ADAMTS12: variants seen among roughly 807,000 people sequenced by gnomAD.
The protein encoded by ADAMTS12 is A disintegrin and metalloproteinase with thrombospondin motifs 12.
A neutral mutation model predicts 167.8 loss-of-function variants in ADAMTS12; 118 were observed. The observed-to-expected ratio is 0.70, with a 90% CI of 0.61 to 0.82. The LOEUF (loss-of-function observed/expected upper bound fraction) is 0.82, where lower values mean the gene tolerates loss of function less well. Ranked by LOEUF, ADAMTS12 falls within the 40% of genes least tolerant of loss-of-function variation. The pLI is 0.00. For synonymous variants in ADAMTS12, 704 were observed against 716.9 expected (o/e 0.98, Z 0.29); for missense variants, 1,916 against 1,998.8 (o/e 0.96, Z 0.79).
At chr5:33,532,451 T>C (rs1040890023) in intron 23 of ADAMTS12, among the ~76,000 whole-genome samples, 2 of 151,942 alleles carry the variant, frequency 1.3e-5, no homozygotes, top group African/African-American at 4.8e-5. Flanking sequence ...TGTATCAACA[T>C]TGGATCTAAG....
intron 12 of ADAMTS12, among the ~76,000 whole-genome samples, chr5:33,633,984 C>T (rs1245268418): frequency 1.3e-5 from 2 of 152,140 alleles, no homozygotes; most frequent in Non-Finnish European, 2.9e-5. Context: ...CACCCTCACA[C>T]TCTCTGATTA....
intron 2 of ADAMTS12, among the ~76,000 whole-genome samples, chr5:33,763,435 T>C (rs536499313): frequency 4.2e-4 from 64 of 152,272 alleles, no homozygotes; most frequent in African/African-American, 1.3e-3. Context: ...TCCCCTGGAC[T>C]CTCCAAAAGG....
intron 20 of ADAMTS12, among the ~76,000 whole-genome samples, chr5:33,554,343 A>G (rs1166537537): frequency 2.0e-5 from 3 of 152,170 alleles, no homozygotes; most frequent in African/African-American, 4.8e-5. Context: ...GGACGCCATC[A>G]TGGAGAACCT....
At chr5:33,548,190 T>C (rs1329314526) in intron 21 of ADAMTS12, among the ~76,000 whole-genome samples, 1 of 152,238 alleles carries the variant, frequency 6.6e-6, no homozygotes, top group African/African-American at 2.4e-5. Context: ...TAGTTATTGA[T>C]TCATTCTTTC....
chr5:33,561,234 G>A (rs896364771), intron 19 of ADAMTS12, 55 bp from the exon 20 acceptor site: 9 of 1,586,042 alleles, frequency 5.7e-6, no homozygotes, highest in Non-Finnish European at 6.9e-6. Flanking sequence ...TCTCACACAT[G>A]CCCCATCACT....
rs1232138929 is a variant in ADAMTS12 at position 33,526,948 on chromosome 5, G to T, written c.*240C>A. On this transcript the variant is annotated 3_prime_UTR_variant, in exon 24 of 24. Transcript: ENST00000504830. ...CACCTTTCCCAGGAGCCGATACCAG[G>T]TGCTGCCTGATTCTCCTAGCTATTT... 6.1e-6 allele frequency: 3 copies of T among 490,918 alleles called. No homozygotes were observed. Among genetic ancestry groups the T allele is most frequent in the Non-Finnish European group, 1.1e-5 (3 of 276,576 alleles). The allele number at this position is 490,918 out of a possible 1,614,324, so 30.4% of individuals were successfully genotyped here. A position where few individuals can be genotyped will look rare whatever the true frequency, so the allele number is the denominator to read the frequency against.
At chr5:33,798,720 G>A (rs1212408642) in intron 2 of ADAMTS12, among the ~76,000 whole-genome samples, 2 of 152,096 alleles carry the variant, frequency 1.3e-5, no homozygotes, top group African/African-American at 2.4e-5. Context: ...GATTACAGGC[G>A]TGAGCCACCA....
intron 5 of ADAMTS12, among the ~76,000 whole-genome samples, chr5:33,671,579 T>C (rs1029561559): frequency 1.3e-5 from 2 of 152,146 alleles, no homozygotes; most frequent in African/African-American, 4.8e-5. Flanking sequence ...CTTATAACAC[T>C]TTCTGGTATG....
In ADAMTS12 at chr5:33,814,929, G is replaced by T. The variant is rs1257396925; in HGVS notation, c.490-63381C>A. 3.3e-5 allele frequency among the ~76,000 whole-genome samples: 5 copies of T among 152,288 alleles called. No homozygotes were observed. In the East Asian group the frequency reaches 9.7e-4, roughly 29 times the overall value. On this transcript the variant is annotated intron_variant, in intron 2 of 23. Coordinates refer to ENST00000504830, the MANE Select transcript of ADAMTS12 (RefSeq NM_030955.4). ...CAAATTCTCGAATCGTAGAGTTTAG[G>T]AAAGAATAGGAAAAGGAGTAATGAG...
intron 19 of ADAMTS12, among the ~76,000 whole-genome samples, chr5:33,570,849 C>A (rs1205289856): frequency 6.6e-6 from 1 of 150,698 alleles, no homozygotes; most frequent in Non-Finnish European, 1.5e-5. Flanking sequence ...ATTCAGGAAA[C>A]CCATCTCACG....
intron 16 of ADAMTS12, among the ~76,000 whole-genome samples, chr5:33,611,145 G>A (rs1470220696): frequency 6.6e-6 from 1 of 152,176 alleles, no homozygotes; most frequent in Non-Finnish European, 1.5e-5. Flanking sequence ...TAGTGCATAT[G>A]ATACTATTTG....
chr5:33,750,354 T>C (rs570371098), intron 3 of ADAMTS12, among the ~76,000 whole-genome samples: 1 of 152,330 alleles, frequency 6.6e-6, no homozygotes, highest in East Asian at 1.9e-4. Context: ...GCTAAGATGA[T>C]AGACGAAACT....
At chr5:33,643,814 T>C (rs1034794433) in intron 9 of ADAMTS12, among the ~76,000 whole-genome samples, 1 of 152,192 alleles carries the variant, frequency 6.6e-6, no homozygotes, top group African/African-American at 2.4e-5. Flanking sequence ...GAAAGGTAAA[T>C]CTAAACTGTG....
chr5:33,773,813 G>C (rs1745825536), intron 2 of ADAMTS12, among the ~76,000 whole-genome samples: 2 of 152,158 alleles, frequency 1.3e-5, no homozygotes, highest in Non-Finnish European at 2.9e-5. Context: ...ATGACTTTCA[G>C]TTCTTCATAA....
chr5:33,577,275 G>A, intron 18 of ADAMTS12, 115 bp from the exon 19 acceptor site: 12 of 1,435,864 alleles, frequency 8.4e-6, no homozygotes, highest in Middle Eastern at 3.9e-4. Flanking sequence ...AGCTAAAATT[G>A]TCTGCTATCT....
At chr5:33,839,459 G>A (rs1748660847) in intron 2 of ADAMTS12, among the ~76,000 whole-genome samples, 3 of 152,160 alleles carry the variant, frequency 2.0e-5, no homozygotes, top group African/African-American at 7.2e-5. Flanking sequence ...CCACATCTGT[G>A]CATTACTAAG....
intron 16 of ADAMTS12, among the ~76,000 whole-genome samples, chr5:33,611,356 T>C (rs1393698364): frequency 6.6e-6 from 1 of 152,054 alleles, no homozygotes; most frequent in Non-Finnish European, 1.5e-5. Flanking sequence ...TTTTTGTCTT[T>C]AATAGTAAAG....
intron 1 of ADAMTS12, among the ~76,000 whole-genome samples, chr5:33,889,075 C>T (rs963000716): frequency 6.6e-6 from 1 of 152,150 alleles, no homozygotes; most frequent in Non-Finnish European, 1.5e-5. Flanking sequence ...TTACCCTCCT[C>T]GTGAAGGGGC....
chr5:33,535,572 T>C (rs1204455528), intron 22 of ADAMTS12, among the ~76,000 whole-genome samples: 2 of 152,162 alleles, frequency 1.3e-5, no homozygotes, highest in African/African-American at 4.8e-5. Context: ...GAGGGAGGCA[T>C]TGCCCATGGG....
Sources: gnomAD v4.1 joint callset for allele counts (sites outside exome capture counted in the v4.1 genomes callset) on GRCh38, gnomAD v4.1.1 for gene constraint, MANE v1.5 for transcripts, NCBI Gene and HGNC (gene_info 2026-07-23, HGNC 2026-07-21) for gene names.